Variants in PLXNA4 observed in about 807,000 individuals in gnomAD.
PLXNA4 encodes the protein plexin A4, also known as plexin-A4.
A neutral mutation model predicts 191.8 loss-of-function variants in PLXNA4; 44 were observed. That is an observed-to-expected ratio of 0.23 (90% CI 0.18 to 0.29). PLXNA4 has a LOEUF of 0.29. Among genes scored for constraint, PLXNA4 ranks in the 10% least tolerant of loss-of-function variants. The pLI is 1.00. For missense variants in PLXNA4, 1,800 were observed against 2,488.8 expected, an observed-to-expected ratio of 0.72 and a Z score of 5.89; for synonymous variants, 1,082 against 1,009.5, an observed-to-expected ratio of 1.07 and a Z score of -1.36.
intron 2 of PLXNA4, among the ~76,000 whole-genome samples, chr7:132,502,541 C>T (rs1018674171): frequency 2.6e-5 from 4 of 152,140 alleles, no homozygotes; most frequent in Non-Finnish European, 4.4e-5. Flanking sequence ...TGGTGCTCAG[C>T]ACTGTAGGGC....
chr7:132,181,704 G>A, intron 17 of PLXNA4, 84 bp from the exon 18 acceptor site: 3 of 1,549,454 alleles, frequency 1.9e-6, no homozygotes, highest in Admixed American at 3.8e-5. Context: ...CTCCCTGGAT[G>A]TCATCGGGAT....
intron 1 of PLXNA4, among the ~76,000 whole-genome samples, chr7:132,563,818 CTCCTCCTCCTT>C (rs1801531863): frequency 1.4e-4 from 11 of 79,478 alleles, no homozygotes; most frequent in Admixed American, 2.6e-4. Flanking sequence ...CCTCCTCCTT[CTCCTCCTCCTT>C]CTCCTCCTCC....
chr7:132,584,675 A>G (rs1276783028), intron 2 of PLXNA4, among the ~76,000 whole-genome samples: 2 of 152,244 alleles, frequency 1.3e-5, no homozygotes, highest in South Asian at 2.1e-4. Flanking sequence ...TTGTACATAC[A>G]TAGGACATTT....
chr7:132,385,120 T>G, intron 3 of PLXNA4: 2 of 1,592,574 alleles, frequency 1.3e-6, no homozygotes, highest in Non-Finnish European at 1.7e-6. Context: ...GTGTCTCATC[T>G]GTTTCCATTT....
intron 3 of PLXNA4, among the ~76,000 whole-genome samples, chr7:132,363,740 T>A (rs972881705): frequency 1.3e-5 from 2 of 152,266 alleles, no homozygotes; most frequent in African/African-American, 2.4e-5. Flanking sequence ...AGTAATTCTA[T>A]GTTTAATTTT....
chr7:132,295,474 G>T (rs1801041971), intron 4 of PLXNA4, among the ~76,000 whole-genome samples: 1 of 152,212 alleles, frequency 6.6e-6, no homozygotes, highest in African/African-American at 2.4e-5. Flanking sequence ...GACACAGTGT[G>T]CAACGTGTTC....
chr7:132,322,434 C>T (rs774195142), intron 3 of PLXNA4, among the ~76,000 whole-genome samples: 20 of 152,136 alleles, frequency 1.3e-4, no homozygotes, highest in Non-Finnish European at 2.5e-4. Context: ...CCACCCGCCT[C>T]GGCCTCCCAA....
chr7:132,634,394 T>C (rs1423206671), intron 2 of PLXNA4, among the ~76,000 whole-genome samples: 1 of 152,008 alleles, frequency 6.6e-6, no homozygotes, highest in East Asian at 1.9e-4. Flanking sequence ...CTCTCTGACA[T>C]GGTTCCATCC....
intron 3 of PLXNA4, among the ~76,000 whole-genome samples, chr7:132,398,349 C>T (rs1365353534): frequency 6.6e-6 from 1 of 152,238 alleles, no homozygotes; most frequent in Non-Finnish European, 1.5e-5. Context: ...GAAGACCCTG[C>T]TGAGTGTCCC....
At chr7:132,612,669 A>G (rs1803074684) in intron 2 of PLXNA4, among the ~76,000 whole-genome samples, 1 of 150,684 alleles carries the variant, frequency 6.6e-6, no homozygotes, top group Non-Finnish European at 1.5e-5. Context: ...ATCTCAAAAA[A>G]AAAAAAAAAA....
chr7:132,337,445 T>A (rs890006534), intron 3 of PLXNA4, among the ~76,000 whole-genome samples: 1 of 152,242 alleles, frequency 6.6e-6, no homozygotes, highest in Non-Finnish European at 1.5e-5. Context: ...TGCACATTCA[T>A]ACTTGTTCAA....
chr7:132,162,723 C>A (rs1433195807), intron 24 of PLXNA4, among the ~76,000 whole-genome samples: 1 of 152,100 alleles, frequency 6.6e-6, no homozygotes, highest in Non-Finnish European at 1.5e-5. Flanking sequence ...GCAGGGGCCT[C>A]ATTCACAGGC....
chr7:132,497,991 A>G (rs1798097501), intron 2 of PLXNA4, among the ~76,000 whole-genome samples: 1 of 152,156 alleles, frequency 6.6e-6, no homozygotes, highest in Non-Finnish European at 1.5e-5. Context: ...GGCTTAGAGA[A>G]AAGTGTATTG....
chr7:132,315,075 C>T (rs1318361216), intron 3 of PLXNA4, among the ~76,000 whole-genome samples: 2 of 152,234 alleles, frequency 1.3e-5, no homozygotes, highest in Admixed American at 1.3e-4. Flanking sequence ...TCCTCTGTGG[C>T]ACTTTCTTCC....
intron 4 of PLXNA4, among the ~76,000 whole-genome samples, chr7:132,272,300 T>C (rs1382518296): frequency 2.6e-5 from 4 of 152,246 alleles, no homozygotes; most frequent in Admixed American, 2.6e-4. Flanking sequence ...TTGATGGAGC[T>C]ATTCAAATCA....
At chr7:132,362,285 AC>A (rs1428667880) in intron 3 of PLXNA4, among the ~76,000 whole-genome samples, 1 of 152,230 alleles carries the variant, frequency 6.6e-6, no homozygotes, top group Non-Finnish European at 1.5e-5. Context: ...TAGAGCTGCT[AC>A]AATCTCAGAG....
intron 3 of PLXNA4, among the ~76,000 whole-genome samples, chr7:132,348,652 T>A (rs1803349328): frequency 6.6e-6 from 1 of 152,132 alleles, no homozygotes; most frequent in Non-Finnish European, 1.5e-5. Context: ...AATATTTAGG[T>A]TCCTGGTAAT....
intron 22 of PLXNA4, among the ~76,000 whole-genome samples, chr7:132,165,753 A>G (rs1796103935): frequency 1.3e-5 from 2 of 151,738 alleles, no homozygotes; most frequent in Admixed American, 6.5e-5. Flanking sequence ...GGAGGTACCA[A>G]TTTGGCAGGG....
intron 24 of PLXNA4, among the ~76,000 whole-genome samples, chr7:132,160,094 C>G (rs1295769889): frequency 6.6e-6 from 1 of 152,166 alleles, no homozygotes; most frequent in South Asian, 2.1e-4. Flanking sequence ...TGTCTGTCTC[C>G]TTCTTGTCAC....
Sources: allele counts gnomAD v4.1 joint callset (sites outside exome capture counted in the v4.1 genomes callset), GRCh38; gene constraint gnomAD v4.1.1; transcripts MANE v1.5; gene names NCBI Gene and HGNC (gene_info 2026-07-23, HGNC 2026-07-21).